The following AGBL4 variants were observed in gnomAD, a reference collection of about 807,000 sequenced individuals.
The protein encoded by AGBL4 is cytosolic carboxypeptidase 6.
A neutral mutation model predicts 66.4 loss-of-function variants in AGBL4; 58 were observed. The observed-to-expected ratio is 0.87, with a 90% CI of 0.71 to 1.09. The LOEUF (loss-of-function observed/expected upper bound fraction) is 1.09. AGBL4 is among the 50% of genes least tolerant of loss of function. The pLI is 0.00. For synonymous variants in AGBL4, 234 were observed against 222.9 expected, an observed-to-expected ratio of 1.05 and a Z score of -0.44; for missense variants, 579 against 631.0, an observed-to-expected ratio of 0.92 and a Z score of 0.88.
chr1:48,862,283 A>T (rs1411592213), intron 6 of AGBL4, among the ~76,000 whole-genome samples: 1 of 152,138 alleles, frequency 6.6e-6, no homozygotes, highest in Non-Finnish European at 1.5e-5. Context: ...TCTCCTTTAA[A>T]AGTGCCGGCT....
intron 11 of AGBL4, among the ~76,000 whole-genome samples, chr1:48,559,471 T>C (rs1285490659): frequency 6.6e-6 from 1 of 152,154 alleles, no homozygotes; most frequent in African/African-American, 2.4e-5. Flanking sequence ...TCAAGGACTT[T>C]GGAATCACAA....
chr1:49,298,082 G>T (rs1347627145), intron 3 of AGBL4, among the ~76,000 whole-genome samples: 1 of 152,152 alleles, frequency 6.6e-6, no homozygotes. Context: ...CACAGACCTG[G>T]CAAAACTCAC....
chr1:48,859,457 C>G (rs1052849406), intron 6 of AGBL4, among the ~76,000 whole-genome samples: 4 of 152,198 alleles, frequency 2.6e-5, no homozygotes, highest in African/African-American at 9.6e-5. Context: ...GATAATGAAT[C>G]TTTCTCGGCT....
chr1:48,776,665 C>G (rs1402563768), intron 6 of AGBL4: 1 of 1,497,946 alleles, frequency 6.7e-7, no homozygotes, highest in Non-Finnish European at 8.9e-7. Context: ...GCGGGGGGCG[C>G]GCGGGGGGCT....
chr1:49,718,341 G>C (rs1387043842), intron 2 of AGBL4, among the ~76,000 whole-genome samples: 1 of 151,930 alleles, frequency 6.6e-6, no homozygotes, highest in African/African-American at 2.4e-5. Flanking sequence ...TTTACCTTCT[G>C]CCATGATTGC....
intron 3 of AGBL4, among the ~76,000 whole-genome samples, chr1:49,335,901 C>A (rs1319691474): frequency 2.6e-5 from 4 of 152,270 alleles, no homozygotes; most frequent in African/African-American, 9.6e-5. Context: ...GACTTATCTT[C>A]CCATCAGACA....
intron 3 of AGBL4, among the ~76,000 whole-genome samples, chr1:49,618,501 G>T (rs1645294418): frequency 6.6e-6 from 1 of 152,092 alleles, no homozygotes; most frequent in African/African-American, 2.4e-5. Flanking sequence ...AAAAAGCCCA[G>T]GACCAGACAG....
At chr1:49,958,616 T>C (rs1328132178) in intron 1 of AGBL4, among the ~76,000 whole-genome samples, 1 of 148,952 alleles carries the variant, frequency 6.7e-6, no homozygotes. Flanking sequence ...ATACCACATG[T>C]TCTCACTCAT....
intron 11 of AGBL4, among the ~76,000 whole-genome samples, chr1:48,546,118 C>T (rs987382841): frequency 6.6e-6 from 1 of 152,156 alleles, no homozygotes; most frequent in Non-Finnish European, 1.5e-5. Context: ...GTTTACTCCG[C>T]AATGCATACA....
chr1:48,761,264 A>T, intron 6 of AGBL4: 1 of 1,441,012 alleles, frequency 6.9e-7, no homozygotes, highest in Non-Finnish European at 9.3e-7. Flanking sequence ...AGGAAGCCAG[A>T]CTGAAACTCT....
chr1:49,533,913 G>C (rs1019562343), intron 3 of AGBL4, among the ~76,000 whole-genome samples: 7 of 152,024 alleles, frequency 4.6e-5, no homozygotes, highest in Non-Finnish European at 1.0e-4. Context: ...TGTGAGTCAC[G>C]CTGCAGGTTG....
chr1:48,595,681 C>G (rs1644983939), intron 9 of AGBL4, among the ~76,000 whole-genome samples: 2 of 152,212 alleles, frequency 1.3e-5, no homozygotes, highest in African/African-American at 2.4e-5. Context: ...AAAATTAAAA[C>G]TACTTTGGGG....
chr1:49,651,774 A>G (rs1646011246), intron 3 of AGBL4, among the ~76,000 whole-genome samples: 1 of 152,196 alleles, frequency 6.6e-6, no homozygotes, highest in Admixed American at 6.5e-5. Context: ...ACGAGAAGGA[A>G]TTAGTGCAAG....
chr1:48,806,029 T>C (rs1042790146), intron 6 of AGBL4, among the ~76,000 whole-genome samples: 1 of 152,160 alleles, frequency 6.6e-6, no homozygotes, highest in African/African-American at 2.4e-5. Flanking sequence ...GGATGAGTAT[T>C]CAGAATGATG....
At chr1:49,884,182 C>T (rs1201580695) in intron 1 of AGBL4, among the ~76,000 whole-genome samples, 1 of 151,922 alleles carries the variant, frequency 6.6e-6, no homozygotes, top group Non-Finnish European at 1.5e-5. Flanking sequence ...TCAGATTTCA[C>T]AGTCACATAG....
At chr1:49,992,822 A>C (rs188131478) in intron 1 of AGBL4, among the ~76,000 whole-genome samples, 16 of 152,250 alleles carry the variant, frequency 1.1e-4, no homozygotes, top group Admixed American at 7.8e-4. Flanking sequence ...TCACTCCTAT[A>C]AACTCTCCCC....
At chr1:49,543,736 T>C (rs1054216121) in intron 3 of AGBL4, among the ~76,000 whole-genome samples, 1 of 152,182 alleles carries the variant, frequency 6.6e-6, no homozygotes, top group Non-Finnish European at 1.5e-5. Flanking sequence ...ATATTGCCCC[T>C]AGTCCTCCAC....
intron 3 of AGBL4, among the ~76,000 whole-genome samples, chr1:49,495,517 CAT>C (rs1647467865): frequency 6.6e-6 from 1 of 151,280 alleles, no homozygotes; most frequent in Non-Finnish European, 1.5e-5. Context: ...GTCTCTGCCT[CAT>C]GTGTGGATTT....
intron 3 of AGBL4, among the ~76,000 whole-genome samples, chr1:49,655,594 G>A (rs912422527): frequency 1.3e-5 from 2 of 152,142 alleles, no homozygotes; most frequent in African/African-American, 2.4e-5. Flanking sequence ...GCCTACAAGA[G>A]AAAGCAGGAC....
Sources: allele counts gnomAD v4.1 joint callset (sites outside exome capture counted in the v4.1 genomes callset), GRCh38; gene constraint gnomAD v4.1.1; transcripts MANE v1.5; gene names NCBI Gene and HGNC (gene_info 2026-07-23, HGNC 2026-07-21).